The following BRSK1 variants were observed in gnomAD, a reference collection of about 807,000 sequenced individuals.
BRSK1 encodes serine/threonine-protein kinase BRSK1.
BRSK1 carries 17 observed loss-of-function variants against 86.2 expected under a neutral mutation model. The observed-to-expected ratio is 0.20, with a 90% CI of 0.14 to 0.30. The LOEUF is 0.30. Among genes scored for constraint, BRSK1 ranks in the 10% least tolerant of loss-of-function variants. BRSK1 has a pLI of 1.00. For missense variants in BRSK1, 719 were observed against 1,071.9 expected (o/e 0.67, Z 4.60); for synonymous variants, 464 against 440.1 (o/e 1.05, Z -0.68).
intron 3 of BRSK1, among the ~76,000 whole-genome samples, chr19:55,288,875 G>A (rs535217380): frequency 2.0e-5 from 3 of 152,158 alleles, no homozygotes; most frequent in Admixed American, 6.5e-5. Flanking sequence ...ATAAGCCACC[G>A]TGTCTGGCCA....
At chr19:55,285,783 AG>A (rs1205883810) in intron 1 of BRSK1, among the ~76,000 whole-genome samples, 3 of 152,142 alleles carry the variant, frequency 2.0e-5, no homozygotes, top group African/African-American at 7.2e-5. Flanking sequence ...TATGAAGCTC[AG>A]GGCCAGAGCT....
chr19:55,286,223 G>T (rs1202346273), intron 1 of BRSK1, among the ~76,000 whole-genome samples: 11 of 147,058 alleles, frequency 7.5e-5, no homozygotes, highest in African/African-American at 2.6e-4. Context: ...AGGGAGGATG[G>T]AATGGGGGCC....
intron 7 of BRSK1, among the ~76,000 whole-genome samples, chr19:55,298,675 T>A (rs1600181802): frequency 6.6e-6 from 1 of 152,236 alleles, no homozygotes; most frequent in Non-Finnish European, 1.5e-5. Context: ...AAAGTGACCC[T>A]GTTTCAGCTC....
At position 55,308,728 on chromosome 19, in the gene BRSK1, GGTGGGTGGTGGGGCC is replaced by G. The variant is rs769453037; in HGVS notation, c.2179+14_2179+28del. 3.1e-5 allele frequency: 48 copies of G among 1,569,608 alleles called. No homozygotes were observed. Among genetic ancestry groups the G allele is most frequent in the Non-Finnish European group, 3.8e-5 (44 of 1,158,854 alleles). On this transcript the variant is annotated splice_donor_variant and splice_donor_5th_base_variant and intron_variant, in intron 18 of 18. Coordinates refer to ENST00000309383, the MANE Select transcript of BRSK1 (RefSeq NM_032430.2). LOFTEE classifies it high-confidence loss of function. ...CCAGCCCTCCGTGCAGGCCCTGGCA[GGTGGGTGGTGGGGCC>G]GTGGGTGGTGGGGGGCGTGGGTGGC...
chr19:55,308,934 C>G (rs549855172), intron 18 of BRSK1, among the ~76,000 whole-genome samples: 87 of 152,248 alleles, frequency 5.7e-4, no homozygotes, highest in African/African-American at 2.1e-3. Flanking sequence ...ATTGTCGTAG[C>G]TGAGGTCTTA....
Position 55,287,768 on chromosome 19 carries a change from G to T in BRSK1, c.317+469G>T, listed in dbSNP as rs1211512203. Among the ~76,000 whole-genome samples the T allele has an allele frequency of 6.6e-6, 1 of 152,226 alleles. No homozygotes were observed. Among genetic ancestry groups the T allele is most frequent in the African/African-American group, 2.4e-5 (1 of 41,464 alleles). On this transcript the variant is annotated intron_variant, in intron 3 of 18. Transcript: ENST00000309383. This position sits in a 1 kb window ranked among gnomAD's most constrained non-coding sequence, Gnocchi z 5.3. The stretch of plus-strand genomic sequence containing the variant: ...TGGCTGGACACCCCAACAATGGGCC[G>T]CCTTAGGAGGTCTGAGTCACTATCT...
intron 4 of BRSK1, among the ~76,000 whole-genome samples, chr19:55,290,675 T>G (rs917028754): frequency 7.1e-4 from 108 of 151,826 alleles, no homozygotes; most frequent in African/African-American, 2.5e-3. Flanking sequence ...GGAGTCTTGC[T>G]CTGTCACCCA....
Position 55,305,366 on chromosome 19 carries a change from C to G in BRSK1, c.1763C>G (p.Pro588Arg). 1 of 1,614,156 alleles carries G rather than the reference C, an allele frequency of 6.2e-7. No individual in the cohort carries two copies. Among genetic ancestry groups the G allele is most frequent in the Non-Finnish European group, 8.5e-7 (1 of 1,180,032 alleles). The stretch of plus-strand genomic sequence containing the variant: ...TCCAGCTTGACGCCAGAGTCCTCCC[C>G]GGAGTGAGTCTCACAGGGAAGGAAA... Reference protein sequence around the residue: ...EMSSLTPESSPELAKRSWFGN... With the variant: ...EMSSLTPESSRELAKRSWFGN... The change falls in exon 15 of 19, where the codon CCG (proline) becomes CGG (arginine). Residue 588 changes from proline to arginine, a missense_variant. By Grantham distance (103) the Pro-to-Arg change is moderately radical. Coordinates refer to ENST00000309383, the MANE Select transcript of BRSK1 (RefSeq NM_032430.2).
chr19:55,292,230 C>G (rs551257848), intron 4 of BRSK1, among the ~76,000 whole-genome samples: 2 of 152,314 alleles, frequency 1.3e-5, no homozygotes, highest in South Asian at 2.1e-4. Context: ...AGACACCAAC[C>G]CTTAAACCTT....
At chr19:55,300,649 G>A (rs1214187925) in intron 7 of BRSK1, among the ~76,000 whole-genome samples, 1 of 152,172 alleles carries the variant, frequency 6.6e-6, no homozygotes, top group African/African-American at 2.4e-5. Flanking sequence ...GACCAGCCTG[G>A]CCAACATGGT....
intron 1 of BRSK1, among the ~76,000 whole-genome samples, chr19:55,286,128 G>C (rs28372458): frequency 8.5e-6 from 1 of 117,640 alleles, no homozygotes; most frequent in African/African-American, 3.5e-5. Context: ...GGCCTGGAGT[G>C]CTGGGTCTGA....
chr19:55,296,155 C>T (rs1353892321), intron 7 of BRSK1, among the ~76,000 whole-genome samples: 1 of 152,050 alleles, frequency 6.6e-6, no homozygotes, highest in Non-Finnish European at 1.5e-5. Flanking sequence ...CTCCTCCCCA[C>T]TCCTGTAAGG....
intron 17 of BRSK1, among the ~76,000 whole-genome samples, 162 bp from the exon 18 acceptor site, chr19:55,308,477 C>T (rs1172822): frequency 0.34 from 49,477 of 146,266 alleles, 8,597 homozygotes; most frequent in South Asian, 0.48. Context: ...AGCACAGACC[C>T]ATTTGCAAAC....
intron 17 of BRSK1, among the ~76,000 whole-genome samples, chr19:55,308,004 T>TTTG (rs1018673005): frequency 6.7e-6 from 1 of 149,510 alleles, no homozygotes; most frequent in Non-Finnish European, 1.5e-5. Flanking sequence ...TTTCTTTTTT[T>TTTG]TTGTTGTTGT....
chr19:55,311,560 G>C (rs2088795439), intron 18 of BRSK1, among the ~76,000 whole-genome samples: 1 of 152,164 alleles, frequency 6.6e-6, no homozygotes. Flanking sequence ...TGAACGTTGA[G>C]CACCGTCCTG....
At chr19:55,293,662 T>C (rs1465109199) in intron 4 of BRSK1, among the ~76,000 whole-genome samples, 1 of 151,092 alleles carries the variant, frequency 6.6e-6, no homozygotes, top group African/African-American at 2.4e-5. Context: ...AATACAAAAA[T>C]TAGCTGGGCA....
At chr19:55,293,720 G>C (rs896935802) in intron 4 of BRSK1, among the ~76,000 whole-genome samples, 3 of 151,160 alleles carry the variant, frequency 2.0e-5, no homozygotes, top group Admixed American at 6.6e-5. Flanking sequence ...TGAGGCAGGA[G>C]AATCACTTGG....
chr19:55,311,944 G>T lies in BRSK1; in HGVS notation c.2213G>T (p.Gly738Val). Residue 738 changes from glycine to valine, a missense_variant, in exon 19 of 19, where the codon GGT becomes GTT. Gly to Val is a moderately radical substitution (Grantham distance 109, BLOSUM62 -3). Around this residue, in one of 6 missense-constraint regions of BRSK1, gnomAD observed 82 missense variants for 72.6 expected, o/e 1.13. Coordinates refer to ENST00000309383, the MANE Select transcript of BRSK1 (RefSeq NM_032430.2). ...AACGGGGCCCAGACCCGGCCTGCTG[G>T]TGCCCCACCCCGAAGCCTGCAGCCC... Reference protein sequence around the residue: ...EKNGAQTRPAGAPPRSLQPPP... With the variant: ...EKNGAQTRPAVAPPRSLQPPP... 6.2e-7 allele frequency: 1 copy of T among 1,611,138 alleles called. No homozygotes were observed. The highest frequency in any genetic ancestry group is 8.5e-7 in the Non-Finnish European group (1 of 1,178,992).
intron 18 of BRSK1, among the ~76,000 whole-genome samples, chr19:55,311,078 C>T (rs1231776556): frequency 6.6e-6 from 1 of 152,162 alleles, no homozygotes; most frequent in African/African-American, 2.4e-5. Flanking sequence ...TCTCCCGCCT[C>T]AGCCTGTCGA....
Sources: gnomAD v4.1 joint callset for allele counts (sites outside exome capture counted in the v4.1 genomes callset) on GRCh38, gnomAD v4.1.1 for gene constraint, gnomAD v4.1.1 regional missense constraint, Gnocchi (gnomAD v3.1) non-coding constraint, MANE v1.5 for transcripts, NCBI Gene and HGNC (gene_info 2026-07-23, HGNC 2026-07-21) for gene names.